The following C21orf58 variants were observed in gnomAD, a reference collection of about 807,000 sequenced individuals.
C21orf58 encodes chromosome 21 open reading frame 58, also known as uncharacterized protein C21orf58.
In C21orf58, 34 loss-of-function variants were observed where a neutral mutation model predicts 35.8. The observed-to-expected ratio is 0.95, with a 90% CI of 0.72 to 1.26. C21orf58 has a LOEUF of 1.26. Among genes scored for constraint, C21orf58 ranks in the 50% most tolerant of loss-of-function variants. The pLI, the probability that C21orf58 is intolerant of heterozygous loss-of-function variation, is 0.00. For synonymous variants in C21orf58, 191 were observed against 175.8 expected (o/e 1.09, Z -0.68); for missense variants, 440 against 414.3 (o/e 1.06, Z -0.54).
At chr21:46,316,091 G>T (rs947928264) in intron 3 of C21orf58, among the ~76,000 whole-genome samples, 1 of 152,110 alleles carries the variant, frequency 6.6e-6, no homozygotes, top group Non-Finnish European at 1.5e-5. Context: ...CGGGGGTGCA[G>T]TGAATTGTGA....
intron 5 of C21orf58, chr21:46,313,075 C>T: frequency 1.0e-6 from 1 of 985,352 alleles, no homozygotes; most frequent in Non-Finnish European, 1.2e-6. Context: ...CAAGAGTTGG[C>T]AAACTTTTGC....
chr21:46,308,542 C>T (rs966307852), intron 6 of C21orf58, among the ~76,000 whole-genome samples: 4 of 152,202 alleles, frequency 2.6e-5, no homozygotes, highest in African/African-American at 9.6e-5. Context: ...CATACATCCA[C>T]AGAAAGACTG....
chr21:46,304,030 T>G (rs1269891770), intron 6 of C21orf58, among the ~76,000 whole-genome samples: 7 of 111,846 alleles, frequency 6.3e-5, no homozygotes, highest in East Asian at 2.6e-4. Context: ...GTTTTTTTTT[T>G]TTTTTTTTTT....
chr21:46,315,197 C>T (rs2082926830), intron 4 of C21orf58: 2 of 615,876 alleles, frequency 3.2e-6, no homozygotes, highest in Middle Eastern at 3.9e-4. Context: ...GCATCTCTGC[C>T]ACTCGGATGC....
chr21:46,322,373 G>T, intron 1 of C21orf58: 2 of 893,626 alleles, frequency 2.2e-6, no homozygotes, highest in Non-Finnish European at 1.3e-6. Flanking sequence ...AACGACTCTG[G>T]GGTTCTGAGG....
chr21:46,301,705 G>A lies in C21orf58; in HGVS notation c.*294C>T, dbSNP rs558400929. The A allele has an allele frequency of 2.6e-5, 30 of 1,168,736 alleles. No individual in the cohort carries two copies. The Admixed American group carries it at 4.7e-4, about 18-fold the overall frequency. 72.4% of individuals were successfully genotyped at this position (1,168,736 alleles called of 1,614,324 possible). ...GGGATCTGAGGCTCCCAGGTGGGCC[G>A]GCGCCGCCCTACAGGAAAGGAGGGG... On this transcript the variant is annotated 3_prime_UTR_variant, in exon 8 of 8. Coordinates refer to ENST00000291691, the MANE Select transcript of C21orf58 (RefSeq NM_058180.5).
At position 46,302,474 on chromosome 21, in the gene C21orf58, G is replaced by A. The variant is rs751853299; in HGVS notation, c.813+11C>T. ...TCCTTGGCCTAGGGTTCTGCTGGGGGCTAAGCCTACCTGCAGGGCTGGGGG... is the reference window on the plus strand; with the variant it reads ...TCCTTGGCCTAGGGTTCTGCTGGGGACTAAGCCTACCTGCAGGGCTGGGGG... On this transcript the variant is annotated intron_variant, in intron 7 of 7. Transcript: ENST00000291691. 6.3e-7 allele frequency: 1 copy of A among 1,592,772 alleles called. No individual in the cohort carries two copies. Among genetic ancestry groups the A allele is most frequent in the Non-Finnish European group, 8.6e-7 (1 of 1,164,614 alleles).
At chr21:46,321,343 G>A (rs1394788289) in intron 1 of C21orf58, among the ~76,000 whole-genome samples, 1 of 152,064 alleles carries the variant, frequency 6.6e-6, no homozygotes, top group African/African-American at 2.4e-5. Flanking sequence ...TAATTTTTGA[G>A]TGAAAGCCAG....
chr21:46,302,004 G>A lies in C21orf58; in HGVS notation c.964C>T (p.Pro322Ser). Residue 322 changes from proline (P) to serine (S), a missense_variant, in exon 8 of 8, where the codon CCC becomes TCC. By Grantham distance (74) the Pro-to-Ser change is moderately conservative (BLOSUM62 -1). Coordinates refer to ENST00000291691, the MANE Select transcript of C21orf58 (RefSeq NM_058180.5). Reference protein sequence around the residue: ...PAPSLWTPGPP With the variant: ...PAPSLWTPGPS ...AGGGTCTCTGTGACTCACACTCAGG[G>A]TGGGCCAGGCGTCCACAGGCTGGGG... is the stretch of plus-strand genomic sequence containing the variant. 6.5e-7 allele frequency: 1 copy of A among 1,531,658 alleles called. No individual in the cohort carries two copies. The highest frequency in any genetic ancestry group is 2.1e-5 in the Admixed American group (1 of 47,900). 94.9% of individuals were successfully genotyped at this position (1,531,658 alleles called of 1,614,324 possible). A position where few individuals can be genotyped will look rare whatever the true frequency, so the allele number is the denominator to read the frequency against.
intron 6 of C21orf58, among the ~76,000 whole-genome samples, chr21:46,308,872 G>A (rs2082543555): frequency 6.6e-6 from 1 of 152,158 alleles, no homozygotes; most frequent in Non-Finnish European, 1.5e-5. Flanking sequence ...AGTGACCTGA[G>A]CTAGCCATCA....
chr21:46,322,573 CAG>C (rs2083208426), intron 1 of C21orf58, 64 bp downstream of exon 1: 1 of 1,403,322 alleles, frequency 7.1e-7, no homozygotes, highest in East Asian at 2.7e-5. Flanking sequence ...GCCCACTGCC[CAG>C]AGTTTGCTCA....
intron 4 of C21orf58, chr21:46,315,229 A>G: frequency 1.7e-6 from 1 of 599,614 alleles, no homozygotes. Context: ...GTGCCGTGGG[A>G]GCAAACCTCC....
At position 46,321,707 on chromosome 21, in the gene C21orf58, A is replaced by G. The variant is rs189991103; in HGVS notation, c.100+932T>C. 7.2e-5 allele frequency among the ~76,000 whole-genome samples: 11 copies of G among 151,880 alleles called. No homozygotes were observed. The East Asian group carries it at 2.1e-3, about 29-fold the overall frequency. On this transcript the variant is annotated intron_variant, in intron 1 of 7. Transcript: ENST00000291691. ...AGGGACACACACTGTCACCTCGACT[A>G]TAACTGTGAGGCTGACCTGCGTCAC...
At chr21:46,319,555 G>A (rs756180590) in intron 1 of C21orf58, among the ~76,000 whole-genome samples, 2 of 152,166 alleles carry the variant, frequency 1.3e-5, no homozygotes, top group South Asian at 2.1e-4. Context: ...TTGAGTCCAC[G>A]AGTTGGAGAC....
At chr21:46,320,769 T>C (rs1211069933) in intron 1 of C21orf58, 1 of 152,222 alleles carries the variant, frequency 6.6e-6, no homozygotes, top group African/African-American at 2.4e-5. Context: ...TCAGAGATGC[T>C]TCCTTGCCAG....
chr21:46,305,327 CTTTT>C (rs35138310), intron 6 of C21orf58, among the ~76,000 whole-genome samples: 3 of 109,174 alleles, frequency 2.7e-5, no homozygotes, highest in African/African-American at 3.7e-5. Flanking sequence ...ACAAATTAAT[CTTTT>C]TTTTTTTTTT....
At position 46,318,100 on chromosome 21, in the gene C21orf58, G is replaced by A; in HGVS notation, c.221C>T (p.Pro74Leu). The change falls in exon 2 of 8, where the codon CCC becomes CTC. Residue 74 changes from proline to leucine, a missense_variant. Pro to Leu is a moderately conservative substitution (Grantham distance 98). Transcript: ENST00000291691. Reference protein sequence around the residue: ...REGGGLWPPLPLQSSPAAPTM... With the variant: ...REGGGLWPPLLLQSSPAAPTM... Reference sequence around the variant, plus strand: ...GGGAGCTGCAGGAGACGACTGTAGGGGCAGGGGAGGCCACAGCCCACCTCC... The same window carrying A: ...GGGAGCTGCAGGAGACGACTGTAGGAGCAGGGGAGGCCACAGCCCACCTCC... 9 of 1,613,230 alleles carry A rather than the reference G, an allele frequency of 5.6e-6. No homozygotes were observed. Among genetic ancestry groups the A allele is most frequent in the Non-Finnish European group, 7.6e-6 (9 of 1,179,982 alleles).
chr21:46,307,133 T>C (rs2082456008), intron 6 of C21orf58, among the ~76,000 whole-genome samples: 1 of 150,284 alleles, frequency 6.7e-6, no homozygotes, highest in African/African-American at 2.5e-5. Context: ...TGACCTCAGG[T>C]GATCCAGCCT....
rs893261211 is a variant in C21orf58 at position 46,311,379 on chromosome 21, G to A, written c.721+77C>T. On this transcript the variant is annotated intron_variant, in intron 6 of 7. Transcript: ENST00000291691. ...AGCCAAAAGCTGGCCCTAAGTGACTGTCCTGCTTCCAGGAACATTTTCCCT... is the reference window on the plus strand; with the variant it reads ...AGCCAAAAGCTGGCCCTAAGTGACTATCCTGCTTCCAGGAACATTTTCCCT... 1.2e-5 allele frequency: 10 copies of A among 818,478 alleles called. No individual in the cohort carries two copies. The Admixed American group carries it at 2.6e-4, about 22-fold the overall frequency. The allele number at this position is 818,478 out of a possible 1,614,324, so 50.7% of individuals were successfully genotyped here.
Sources: allele counts gnomAD v4.1 joint callset (sites outside exome capture counted in the v4.1 genomes callset), GRCh38; gene constraint gnomAD v4.1.1; transcripts MANE v1.5; gene names NCBI Gene and HGNC (gene_info 2026-07-23, HGNC 2026-07-21).